The following CPM variants were observed in gnomAD, a reference collection of about 807,000 sequenced individuals.
CPM encodes renal carboxypeptidase.
CPM carries 35 observed loss-of-function variants against 46.4 expected under a neutral mutation model. That is an observed-to-expected ratio of 0.75 (90% CI 0.58 to 1.00). The LOEUF (loss-of-function observed/expected upper bound fraction) is 1.00, where lower values mean the gene tolerates loss of function less well. Ranked by LOEUF, CPM falls within the 50% of genes least tolerant of loss-of-function variation. The pLI, the probability that CPM is intolerant of heterozygous loss-of-function variation, is 0.00. For synonymous variants in CPM, 195 were observed against 195.3 expected (o/e 1.00, Z 0.01); for missense variants, 422 against 530.4 (o/e 0.80, Z 2.01).
intron 2 of CPM, among the ~76,000 whole-genome samples, chr12:68,910,907 G>A (rs567525896): frequency 1.7e-4 from 26 of 151,950 alleles, no homozygotes; most frequent in South Asian, 4.1e-4. Context: ...CTACATTATC[G>A]TTAAACATGA....
At chr12:68,908,915 G>A (rs184523888) in intron 2 of CPM, among the ~76,000 whole-genome samples, 1 of 152,316 alleles carries the variant, frequency 6.6e-6, no homozygotes. Context: ...CAAATGGCAT[G>A]AGGAAATAGA....
chr12:68,847,211 T>TATATATATATATATATATATATATAC (rs914745312), downstream of CPM: 1 of 136,476 alleles, frequency 7.3e-6, no homozygotes, highest in African/African-American at 3.0e-5. Flanking sequence ...TATATATATA[T>TATATATATATATATATATATATATAC]ACTTTTTTTA....
intron 2 of CPM, among the ~76,000 whole-genome samples, chr12:68,930,264 T>C (rs1293077492): frequency 1.3e-5 from 2 of 152,200 alleles, no homozygotes; most frequent in Admixed American, 1.3e-4. Context: ...GTATTTTTAG[T>C]AGAGACAACG....
intron 1 of CPM, among the ~76,000 whole-genome samples, chr12:68,954,915 T>C (rs1355290606): frequency 6.6e-6 from 1 of 152,218 alleles, no homozygotes. Flanking sequence ...AGAAGCCATG[T>C]GCAGTACGTC....
At chr12:68,942,896 C>T (rs1379766514) in intron 1 of CPM, among the ~76,000 whole-genome samples, 1 of 152,078 alleles carries the variant, frequency 6.6e-6, no homozygotes, top group African/African-American at 2.4e-5. Context: ...CTCCAGTATG[C>T]CCTAACACAT....
At chr12:68,921,136 A>G (rs1445342400) in intron 2 of CPM, among the ~76,000 whole-genome samples, 1 of 148,838 alleles carries the variant, frequency 6.7e-6, no homozygotes, top group Non-Finnish European at 1.5e-5. Context: ...TTATTTAAAC[A>G]CTTTTTTTTT....
At chr12:68,952,548 G>C (rs1378718829) in intron 1 of CPM, among the ~76,000 whole-genome samples, 1 of 152,210 alleles carries the variant, frequency 6.6e-6, no homozygotes, top group Non-Finnish European at 1.5e-5. Flanking sequence ...CTTCTAAGCA[G>C]AGGGCTCTGA....
intron 2 of CPM, among the ~76,000 whole-genome samples, chr12:68,890,917 C>T (rs1185795265): frequency 6.6e-6 from 1 of 152,210 alleles, no homozygotes; most frequent in Non-Finnish European, 1.5e-5. Context: ...TTTCGTGAGG[C>T]TTGTTGTGTG....
At chr12:68,894,250 G>A (rs1481099407) in intron 2 of CPM, among the ~76,000 whole-genome samples, 1 of 152,198 alleles carries the variant, frequency 6.6e-6, no homozygotes, top group African/African-American at 2.4e-5. Flanking sequence ...TGCCTGGTGT[G>A]TTCACCATTT....
At chr12:68,912,065 T>C (rs901252066) in intron 2 of CPM, 4 of 152,232 alleles carry the variant, frequency 2.6e-5, no homozygotes, top group African/African-American at 9.7e-5. Flanking sequence ...TGGAGTGCAA[T>C]ACCACGATCT....
chr12:68,869,646 T>C (rs1308368739), intron 5 of CPM, 151 bp from the exon 6 acceptor site: 7 of 687,724 alleles, frequency 1.0e-5, no homozygotes, highest in Non-Finnish European at 1.6e-5. Context: ...TATTCTTCTT[T>C]CTACTTTATA....
rs998246196 is a variant in CPM at position 68,853,009 on chromosome 12, A to T, written c.*3428T>A. ...CCAAGAGGGAGGGGAAAAGCCGGAA[A>T]GGCGTTGGGCAGGGAGGTGGCTTGG... On this transcript the variant is annotated 3_prime_UTR_variant, in exon 9 of 9. Coordinates refer to ENST00000551568, the MANE Select transcript of CPM (RefSeq NM_198320.5). 2.6e-5 allele frequency: 4 copies of T among 152,376 alleles called. No homozygotes were observed. The highest frequency in any genetic ancestry group is 9.6e-5 in the African/African-American group (4 of 41,460). 9.4% of individuals were successfully genotyped at this position (152,376 alleles called of 1,614,324 possible). A position where few individuals can be genotyped will look rare whatever the true frequency, so the allele number is the denominator to read the frequency against.
chr12:68,867,264 C>T (rs1144949), intron 6 of CPM, among the ~76,000 whole-genome samples: 98,898 of 152,068 alleles, frequency 0.65, 32,359 homozygotes, highest in East Asian at 0.79. Flanking sequence ...TCAGAGCTGA[C>T]TGAAGTTCAA....
At chr12:68,857,508 T>C (rs1885029455) in intron 8 of CPM, among the ~76,000 whole-genome samples, 1 of 152,056 alleles carries the variant, frequency 6.6e-6, no homozygotes, top group East Asian at 1.9e-4. Flanking sequence ...CATATCAGCC[T>C]GAATCTTTGG....
intron 1 of CPM, among the ~76,000 whole-genome samples, chr12:68,943,626 C>T (rs1432744408): frequency 6.6e-6 from 1 of 152,162 alleles, no homozygotes; most frequent in Non-Finnish European, 1.5e-5. Flanking sequence ...ATAATGCTTA[C>T]TTCTCCTACT....
chr12:68,892,172 C>A (rs1245978540), intron 2 of CPM, among the ~76,000 whole-genome samples: 1 of 152,124 alleles, frequency 6.6e-6, no homozygotes, highest in African/African-American at 2.4e-5. Flanking sequence ...TGCTGTACTG[C>A]TAATCACCTC....
intron 3 of CPM, among the ~76,000 whole-genome samples, chr12:68,883,656 C>T (rs1169445593): frequency 2.0e-5 from 3 of 152,036 alleles, no homozygotes; most frequent in Non-Finnish European, 1.5e-5. Flanking sequence ...TAAACAAATT[C>T]GGGGGTAGGG....
At chr12:68,943,381 T>G (rs1450140530) in intron 1 of CPM, among the ~76,000 whole-genome samples, 1 of 152,218 alleles carries the variant, frequency 6.6e-6, no homozygotes, top group Non-Finnish European at 1.5e-5. Context: ...AGTCCCAAGC[T>G]GAATTCATTT....
chr12:68,842,557 G>A (rs906537700), intron 5 of CPM: 15 of 344,524 alleles, frequency 4.4e-5, no homozygotes, highest in African/African-American at 2.5e-4. Context: ...ATGTTTGATC[G>A]CATCTCATTG....
Sources: gnomAD v4.1 joint callset for allele counts (sites outside exome capture counted in the v4.1 genomes callset) on GRCh38, gnomAD v4.1.1 for gene constraint, MANE v1.5 for transcripts, NCBI Gene and HGNC (gene_info 2026-07-23, HGNC 2026-07-21) for gene names.